The following GPATCH1 variants were observed in gnomAD, a reference collection of about 807,000 sequenced individuals.
GPATCH1 encodes the protein G patch domain-containing protein 1.
GPATCH1 carries 73 observed loss-of-function variants against 114.9 expected under a neutral mutation model. That is an observed-to-expected ratio of 0.64 (90% CI 0.53 to 0.77). GPATCH1 has a LOEUF of 0.77. GPATCH1 is among the 30% of genes least tolerant of loss of function. The pLI, the probability that GPATCH1 is intolerant of heterozygous loss-of-function variation, is 0.00. For missense variants in GPATCH1, 1,058 were observed against 1,144.3 expected (o/e 0.92, Z 1.09); for synonymous variants, 391 against 428.4 (o/e 0.91, Z 1.08).
chr19:33,085,516 C>G (rs560749006), intron 1 of GPATCH1, among the ~76,000 whole-genome samples: 4 of 152,076 alleles, frequency 2.6e-5, no homozygotes, highest in African/African-American at 9.7e-5. Flanking sequence ...CTGACTCCCC[C>G]ACCCTTTAAA....
chr19:33,097,353 G>GT (rs1972673338), intron 7 of GPATCH1, among the ~76,000 whole-genome samples: 1 of 152,218 alleles, frequency 6.6e-6, no homozygotes, highest in Non-Finnish European at 1.5e-5. Flanking sequence ...GGGCAGTAGA[G>GT]TAGCAGCGGC....
In GPATCH1 at chr19:33,081,190, C is replaced by A; in HGVS notation, c.-4C>A. The A allele has an allele frequency of 6.4e-7, 1 of 1,551,026 alleles. No individual in the cohort carries two copies. Among genetic ancestry groups the A allele is most frequent in the Non-Finnish European group, 8.7e-7 (1 of 1,146,732 alleles). Reference sequence around the variant, plus strand: ...AGCGAGGGGGCGGGGCCCGGAAGAGCAGGATGGCGGCGCGGGACAGTGACA... The same window carrying A: ...AGCGAGGGGGCGGGGCCCGGAAGAGAAGGATGGCGGCGCGGGACAGTGACA... On this transcript the variant is annotated 5_prime_UTR_variant, in exon 1 of 20. Transcript: ENST00000170564.
intron 19 of GPATCH1, among the ~76,000 whole-genome samples, 181 bp from the exon 20 acceptor site, chr19:33,129,949 G>GGA (rs1555722346): frequency 0.012 from 1,703 of 139,850 alleles, 38 homozygotes; most frequent in African/African-American, 0.039. Flanking sequence ...CATCTCGGGG[G>GGA]AAAAAAAAAA....
At chr19:33,106,985 G>GT in intron 10 of GPATCH1, 86 bp downstream of exon 10, 1 of 1,033,682 alleles carries the variant, frequency 9.7e-7, no homozygotes, top group Non-Finnish European at 1.5e-6. Flanking sequence ...TCCCACTGAA[G>GT]TTTTTTACAT....
Position 33,096,434 on chromosome 19 carries a change from A to G in GPATCH1, c.840A>G (p.Gly280=), listed in dbSNP as rs138727200. ...GACTGAATAAAGGAAGAAAATTGGG[A>G]ATTTCAGGCCAGGTAAAATTATTTT... ...EIGLNKGRKL[G]ISGQAFGVGA... Residue 280 remains glycine (G), a synonymous_variant, in exon 7 of 20, where the codon GGA becomes GGG. Transcript: ENST00000170564. 1.0e-4 allele frequency: 161 copies of G among 1,610,394 alleles called. No individual in the cohort carries two copies. In the African/African-American group the frequency reaches 2.0e-3, roughly 20 times the overall value.
chr19:33,095,954 A>G (rs763200848), intron 6 of GPATCH1, 134 bp downstream of exon 6: 7 of 777,622 alleles, frequency 9.0e-6, no homozygotes, highest in African/African-American at 1.7e-5. Flanking sequence ...CCCTAAAGCT[A>G]TCCTCATTAT....
In GPATCH1 at chr19:33,113,782, CT is replaced by C. The variant is rs765408785; in HGVS notation, c.1910del (p.Leu637TyrfsTer4). ...DPYPDSTLVG[L>X]PRVKRDKYSV... ...CAATTCCCAGTTCAACTTTAGTTGG[CT>C]TACCAAGAGTGAAGCGTGACAAGTA... is the stretch of plus-strand genomic sequence containing the variant. On this transcript the variant is annotated frameshift_variant, in exon 14 of 20. Coordinates refer to ENST00000170564, the MANE Select transcript of GPATCH1 (RefSeq NM_018025.3). LOFTEE classifies it high-confidence loss of function. 1.2e-6 allele frequency: 2 copies of C among 1,613,660 alleles called. No homozygotes were observed. Among genetic ancestry groups the C allele is most frequent in the East Asian group, 4.5e-5 (2 of 44,870 alleles).
chr19:33,109,621 A>G (rs79633934), intron 10 of GPATCH1, 96 bp from the exon 11 acceptor site: 10 of 693,170 alleles, frequency 1.4e-5, no homozygotes, highest in Non-Finnish European at 2.4e-5. Flanking sequence ...ATCCCCAATT[A>G]TGTAAATTTG....
chr19:33,119,526 C>T (rs1023124298), intron 17 of GPATCH1, among the ~76,000 whole-genome samples: 5 of 151,828 alleles, frequency 3.3e-5, no homozygotes, highest in Non-Finnish European at 7.4e-5. Flanking sequence ...AGTGAAACCC[C>T]GTCTCTACTA....
At position 33,104,173 on chromosome 19, in the gene GPATCH1, T is replaced by C. The variant is rs1320444918; in HGVS notation, c.1081-2522T>C. Among the ~76,000 whole-genome samples, 3 of 133,344 alleles carry C rather than the reference T, an allele frequency of 2.2e-5. No individual in the cohort carries two copies. The South Asian group carries it at 7.1e-4, about 32-fold the overall frequency. The allele number at this position is 133,344 out of a possible 152,430, so 87.5% of individuals were successfully genotyped here. A position where few individuals can be genotyped will look rare whatever the true frequency, so the allele number is the denominator to read the frequency against. On this transcript the variant is annotated intron_variant, in intron 9 of 19. Coordinates refer to ENST00000170564, the MANE Select transcript of GPATCH1 (RefSeq NM_018025.3). ...GGTGAAACCCCATCTCTACAAAAAA[T>C]ACAAAAAAAAAAAAAAATTAGCTGG... is the stretch of plus-strand genomic sequence containing the variant.
intron 8 of GPATCH1, among the ~76,000 whole-genome samples, chr19:33,098,952 C>T (rs1353600100): frequency 6.6e-6 from 1 of 150,828 alleles, no homozygotes; most frequent in Non-Finnish European, 1.5e-5. Flanking sequence ...AGTCATTTAG[C>T]TTCTGAGCCT....
intron 17 of GPATCH1, among the ~76,000 whole-genome samples, chr19:33,120,533 AGC>A (rs1240354246): frequency 2.9e-5 from 4 of 138,470 alleles, no homozygotes; most frequent in African/African-American, 1.1e-4. Context: ...TGGGTGACAG[AGC>A]AAGACTCTGT....
intron 1 of GPATCH1, among the ~76,000 whole-genome samples, chr19:33,086,976 AAAAAAT>A (rs1352082951): frequency 6.6e-6 from 1 of 151,824 alleles, no homozygotes; most frequent in Admixed American, 6.6e-5. Flanking sequence ...TCTCAAAAAA[AAAAAAT>A]AAATAAAGTA....
intron 17 of GPATCH1, among the ~76,000 whole-genome samples, chr19:33,121,659 A>G (rs1972986583): frequency 6.6e-6 from 1 of 152,160 alleles, no homozygotes; most frequent in African/African-American, 2.4e-5. Context: ...AGCAAATACA[A>G]TAAAATGGTC....
In GPATCH1 at chr19:33,090,765, C is replaced by G. The variant is rs751515238; in HGVS notation, c.209-15C>G. The G allele has an allele frequency of 1.9e-6, 3 of 1,569,040 alleles. No individual in the cohort carries two copies. Among genetic ancestry groups the G allele is most frequent in the Non-Finnish European group, 2.6e-6 (3 of 1,139,614 alleles). On this transcript the variant is annotated splice_polypyrimidine_tract_variant and intron_variant, in intron 2 of 19. Coordinates refer to ENST00000170564, the MANE Select transcript of GPATCH1 (RefSeq NM_018025.3). ...CTCTCTAGGATTGTAAAGTTCTAAA[C>G]TCTTTTTTTTTCAGGATGGACACCC...
intron 16 of GPATCH1, 25 bp downstream of exon 16, chr19:33,118,066 G>T (rs751076152): frequency 6.0e-6 from 9 of 1,512,160 alleles, no homozygotes; most frequent in Non-Finnish European, 8.3e-6. Context: ...CAGACTCGGG[G>T]ATCTAAAGGA....
chr19:33,120,427 C>T (rs1446045399), intron 17 of GPATCH1, among the ~76,000 whole-genome samples: 2 of 148,014 alleles, frequency 1.4e-5, no homozygotes, highest in East Asian at 3.9e-4. Flanking sequence ...CCTGTAATCC[C>T]AGCTAGTAAG....
chr19:33,117,346 G>T (rs1240725354), intron 15 of GPATCH1, among the ~76,000 whole-genome samples: 1 of 152,118 alleles, frequency 6.6e-6, no homozygotes, highest in Non-Finnish European at 1.5e-5. Context: ...TTTTGTTTGG[G>T]GTTTGTTAAG....
At chr19:33,106,529 G>T (rs980103314) in intron 9 of GPATCH1, among the ~76,000 whole-genome samples, 166 bp from the exon 10 acceptor site, 3 of 152,148 alleles carry the variant, frequency 2.0e-5, no homozygotes, top group Non-Finnish European at 4.4e-5. Flanking sequence ...GTCCAGAGGG[G>T]ATGCTGGCTG....
Sources: allele counts gnomAD v4.1 joint callset (sites outside exome capture counted in the v4.1 genomes callset), GRCh38; gene constraint gnomAD v4.1.1; transcripts MANE v1.5; gene names NCBI Gene and HGNC (gene_info 2026-07-23, HGNC 2026-07-21).